SLC14A2: variants seen among roughly 807,000 people sequenced by gnomAD.
SLC14A2 encodes the protein solute carrier family 14 member 2.
In SLC14A2, 91 loss-of-function variants were observed where a neutral mutation model predicts 104.6. That is an observed-to-expected ratio of 0.87 (90% CI 0.73 to 1.04). The LOEUF is 1.04. Among genes scored for constraint, SLC14A2 ranks in the 50% least tolerant of loss-of-function variants. The pLI is 0.00. For missense variants in SLC14A2, 1,189 were observed against 1,156.0 expected, an observed-to-expected ratio of 1.03 and a Z score of -0.41; for synonymous variants, 476 against 466.4, an observed-to-expected ratio of 1.02 and a Z score of -0.27.
At chr18:45,605,369 T>C (rs1024716942) in intron 2 of SLC14A2, among the ~76,000 whole-genome samples, 10 of 152,142 alleles carry the variant, frequency 6.6e-5, no homozygotes, top group African/African-American at 2.4e-4. Context: ...TAGTTCACCT[T>C]AAAATATAAC....
chr18:45,250,035 T>C (rs927823350), intron 1 of SLC14A2, among the ~76,000 whole-genome samples: 3 of 152,090 alleles, frequency 2.0e-5, no homozygotes, highest in African/African-American at 7.2e-5. Context: ...GAAGAAAAGA[T>C]GGACCCTCAC....
intron 2 of SLC14A2, among the ~76,000 whole-genome samples, chr18:45,540,436 A>G (rs1456002878): frequency 6.6e-6 from 1 of 152,154 alleles, no homozygotes; most frequent in African/African-American, 2.4e-5. Flanking sequence ...GCTGCTGCTC[A>G]CAGGCTTTAT....
chr18:45,183,403 A>G, the SLC14A2 span, among the ~76,000 whole-genome samples: 1 of 152,154 alleles, frequency 6.6e-6, no homozygotes, highest in African/African-American at 2.4e-5. Flanking sequence ...TGAGCCTTGA[A>G]GTGGGATGGA....
intron 1 of SLC14A2, among the ~76,000 whole-genome samples, chr18:45,308,758 T>A (rs915244246): frequency 2.0e-5 from 3 of 152,212 alleles, no homozygotes; most frequent in Non-Finnish European, 2.9e-5. Flanking sequence ...TAACTAAAGC[T>A]AATATTTATT....
intron 2 of SLC14A2, among the ~76,000 whole-genome samples, chr18:45,533,319 A>C (rs1222549787): frequency 2.6e-5 from 4 of 152,012 alleles, no homozygotes; most frequent in Admixed American, 6.5e-5. Context: ...CTGTGAATCC[A>C]TCTGGTCCTG....
rs16978415 is a variant in SLC14A2, at chr18:45,583,218, A to G, written c.-34-41413A>G. 1.1e-3 allele frequency among the ~76,000 whole-genome samples: 160 copies of G among 152,268 alleles called. 4 individuals carry two copies. In the East Asian group the frequency reaches 0.025, roughly 24 times the overall value. The stretch of plus-strand genomic sequence containing the variant: ...ATGCCCTATTCCTACCTCCCAGGCC[A>G]TGGCAACTCCAAGCCACTTGGCAAC... On this transcript the variant is annotated intron_variant, in intron 2 of 20. Transcript: ENST00000586448.
intron 1 of SLC14A2, among the ~76,000 whole-genome samples, chr18:45,347,314 C>G (rs2085459528): frequency 1.3e-5 from 2 of 152,170 alleles, no homozygotes; most frequent in Admixed American, 1.3e-4. Flanking sequence ...AAGATTGTGC[C>G]ACTGCACTCT....
chr18:45,493,605 A>G (rs1007960772), intron 2 of SLC14A2, among the ~76,000 whole-genome samples: 2 of 152,196 alleles, frequency 1.3e-5, no homozygotes, highest in African/African-American at 2.4e-5. Flanking sequence ...TGAACGAGGC[A>G]CTCTGACTCG....
intron 2 of SLC14A2, among the ~76,000 whole-genome samples, chr18:45,587,814 A>C (rs2044589240): frequency 6.6e-6 from 1 of 152,144 alleles, no homozygotes; most frequent in Non-Finnish European, 1.5e-5. Flanking sequence ...CACCCTCACC[A>C]GTTCACGGTC....
intron 1 of SLC14A2, among the ~76,000 whole-genome samples, chr18:45,279,138 T>TG (rs2084735249): frequency 1.3e-5 from 2 of 152,270 alleles, no homozygotes; most frequent in Admixed American, 1.3e-4. Flanking sequence ...AGCAGACAAC[T>TG]ACTGACTGTC....
At chr18:45,337,323 TA>T (rs2085347230) in intron 1 of SLC14A2, among the ~76,000 whole-genome samples, 1 of 152,162 alleles carries the variant, frequency 6.6e-6, no homozygotes, top group African/African-American at 2.4e-5. Context: ...GCCTCAGAAG[TA>T]AAAGGTAGAA....
At chr18:45,386,142 G>A (rs2085893866) in intron 1 of SLC14A2, among the ~76,000 whole-genome samples, 1 of 152,182 alleles carries the variant, frequency 6.6e-6, no homozygotes, top group African/African-American at 2.4e-5. Flanking sequence ...AGGTGAAAGT[G>A]ATGGTGGTGA....
the SLC14A2 span, among the ~76,000 whole-genome samples, chr18:45,186,508 C>A: frequency 7.9e-5 from 12 of 152,164 alleles, no homozygotes; most frequent in African/African-American, 2.9e-4. Flanking sequence ...TAGGGGAAAA[C>A]TCTAGAGACT....
At chr18:45,553,551 G>A (rs945831734) in intron 2 of SLC14A2, among the ~76,000 whole-genome samples, 9 of 152,178 alleles carry the variant, frequency 5.9e-5, no homozygotes, top group African/African-American at 1.9e-4. Context: ...CTGTGAGTGG[G>A]GTGAGGGTGT....
At chr18:45,630,612 G>T (rs568548236) in intron 4 of SLC14A2, among the ~76,000 whole-genome samples, 1 of 152,182 alleles carries the variant, frequency 6.6e-6, no homozygotes, top group East Asian at 1.9e-4. Context: ...CTCTCCACAG[G>T]GTGGGACAGC....
At chr18:45,616,639 T>C (rs900967) in intron 1 of SLC14A2, among the ~76,000 whole-genome samples, 54,545 of 151,998 alleles carry the variant, frequency 0.36, 10,148 homozygotes, top group African/African-American at 0.44. Flanking sequence ...GGGCCTGGCT[T>C]AAAGGGAGAT....
intron 10 of SLC14A2, chr18:45,646,682 A>G (rs751551550): frequency 2.6e-5 from 4 of 151,546 alleles, no homozygotes; most frequent in Non-Finnish European, 5.9e-5. Flanking sequence ...ACCCCTGCCA[A>G]CTCTTCACCT....
At chr18:45,407,003 C>T (rs547214391) in intron 1 of SLC14A2, among the ~76,000 whole-genome samples, 1 of 152,234 alleles carries the variant, frequency 6.6e-6, no homozygotes, top group East Asian at 1.9e-4. Context: ...TGAGCATTGG[C>T]TTCCATTGAA....
intron 1 of SLC14A2, among the ~76,000 whole-genome samples, chr18:45,422,263 G>A (rs934367897): frequency 6.6e-6 from 1 of 152,182 alleles, no homozygotes; most frequent in African/African-American, 2.4e-5. Context: ...AGCTATTACA[G>A]TGGTTTGAAA....
Sources: allele counts gnomAD v4.1 joint callset (sites outside exome capture counted in the v4.1 genomes callset), GRCh38; gene constraint gnomAD v4.1.1; transcripts MANE v1.5; gene names NCBI Gene and HGNC (gene_info 2026-07-23, HGNC 2026-07-21).